Variants in KIZ observed in about 807,000 individuals in gnomAD.
The protein encoded by KIZ is kizuna centrosomal protein, also known as centrosomal protein kizuna.
A neutral mutation model predicts 79.6 loss-of-function variants in KIZ; 68 were observed. The ratio of observed to expected loss-of-function variants is 0.85; its 90% confidence interval spans 0.70 to 1.05. The LOEUF is 1.05. Among genes scored for constraint, KIZ ranks in the 50% least tolerant of loss-of-function variants. The pLI is 0.00. For synonymous variants in KIZ, 280 were observed against 281.8 expected, an observed-to-expected ratio of 0.99 and a Z score of 0.06; for missense variants, 797 against 800.4, an observed-to-expected ratio of 1.00 and a Z score of 0.05.
chr20:21,240,668 G>A (rs2037186843), intron 11 of KIZ, among the ~76,000 whole-genome samples: 1 of 152,128 alleles, frequency 6.6e-6, no homozygotes, highest in Admixed American at 6.5e-5. Flanking sequence ...TTACAACAAT[G>A]GTGGCCCTTG....
Position 21,232,743 on chromosome 20 carries a change from T to C in KIZ, c.1793T>C (p.Ile598Thr). Residue 598 changes from isoleucine (I) to threonine (T), a missense_variant, in exon 11 of 13, where the codon ATT becomes ACT. Physicochemically the swap from Ile to Thr is moderately conservative, Grantham distance 89. Coordinates refer to ENST00000619189, the MANE Select transcript of KIZ (RefSeq NM_018474.6). ...ASVSHLSGLN[I>T]GSGAFETKTA... ...TTTACGCTTATCACAGGTTTGAATA[T>C]TGGCAGCGGTGCATTCGAGACAAAG... The C allele has an allele frequency of 6.4e-7, 1 of 1,572,026 alleles. No homozygotes were observed. The highest frequency in any genetic ancestry group is 8.7e-7 in the Non-Finnish European group (1 of 1,149,132).
intron 4 of KIZ, 132 bp downstream of exon 4, chr20:21,145,786 G>C: frequency 2.3e-6 from 1 of 441,178 alleles, no homozygotes; most frequent in Non-Finnish European, 4.1e-6. Context: ...ATTATTTAAA[G>C]ATTTTTGCTT....
At chr20:21,179,851 C>G (rs986534709) in intron 6 of KIZ, among the ~76,000 whole-genome samples, 2 of 151,634 alleles carry the variant, frequency 1.3e-5, no homozygotes, top group African/African-American at 4.8e-5. Flanking sequence ...GTTTAATTTC[C>G]ACATGTTTGT....
chr20:21,215,311 T>C (rs1270016130), intron 8 of KIZ, among the ~76,000 whole-genome samples: 2 of 152,208 alleles, frequency 1.3e-5, no homozygotes, highest in Non-Finnish European at 2.9e-5. Flanking sequence ...GACTCACTTA[T>C]TTTATGTCCC....
At chr20:21,138,833 G>A (rs1004980404) in intron 3 of KIZ, 1 of 151,428 alleles carries the variant, frequency 6.6e-6, no homozygotes, top group Non-Finnish European at 1.5e-5. Context: ...TGGAGGTTAT[G>A]AAAAGTGGTG....
chr20:21,182,407 G>C (rs1330387170), intron 6 of KIZ, among the ~76,000 whole-genome samples: 1 of 152,158 alleles, frequency 6.6e-6, no homozygotes, highest in South Asian at 2.1e-4. Context: ...CTTGCATCTT[G>C]TTGACTAAAA....
At chr20:21,197,459 A>T (rs1274695316) in intron 6 of KIZ, 1 of 152,252 alleles carries the variant, frequency 6.6e-6, no homozygotes, top group Non-Finnish European at 1.5e-5. Context: ...AGTAAATTTC[A>T]TACGAGTTGT....
chr20:21,162,761 GTTT>G, intron 5 of KIZ, 86 bp from the exon 6 acceptor site: 2 of 1,082,444 alleles, frequency 1.8e-6, no homozygotes, highest in Non-Finnish European at 2.7e-6. Flanking sequence ...GCTTCTCCAT[GTTT>G]TTAACTGATG....
intron 11 of KIZ, among the ~76,000 whole-genome samples, chr20:21,239,795 A>G (rs908948283): frequency 3.3e-5 from 5 of 152,202 alleles, no homozygotes; most frequent in South Asian, 2.1e-4. Flanking sequence ...GATAAAACCT[A>G]TTCTGTTGAA....
chr20:21,231,865 TTAAA>T (rs2036844634), intron 10 of KIZ, among the ~76,000 whole-genome samples: 1 of 152,208 alleles, frequency 6.6e-6, no homozygotes, highest in Non-Finnish European at 1.5e-5. Flanking sequence ...GGAAAGCCAC[TTAAA>T]TAAACCTTGA....
At chr20:21,162,708 C>A in intron 5 of KIZ, 142 bp from the exon 6 acceptor site, 1 of 823,378 alleles carries the variant, frequency 1.2e-6, no homozygotes, top group Non-Finnish European at 1.9e-6. Context: ...CATTTGAAAA[C>A]GTGTTTAAGC....
intron 6 of KIZ, among the ~76,000 whole-genome samples, chr20:21,167,277 AGAAGTGTCTACCCATAATG>A (rs1208120647): frequency 6.6e-6 from 1 of 152,248 alleles, no homozygotes; most frequent in Admixed American, 6.5e-5. Flanking sequence ...TTGCATGGAT[AGAAGTGTCTACCCATAATG>A]ACTGGGAACA....
intron 4 of KIZ, among the ~76,000 whole-genome samples, chr20:21,156,263 A>G (rs2033376825): frequency 1.3e-5 from 2 of 152,200 alleles, no homozygotes; most frequent in South Asian, 4.1e-4. Flanking sequence ...GACTTGATTC[A>G]GATATTGCCA....
intron 11 of KIZ, among the ~76,000 whole-genome samples, chr20:21,234,115 A>C (rs2036920637): frequency 6.6e-6 from 1 of 152,196 alleles, no homozygotes; most frequent in South Asian, 2.1e-4. Flanking sequence ...ACTTCTTCCT[A>C]AACAGTCTTT....
Position 21,216,123 on chromosome 20 carries a change from C to T in KIZ, c.1678+475C>T, listed in dbSNP as rs563153860. Among the ~76,000 whole-genome samples the T allele has an allele frequency of 9.2e-5, 14 of 152,288 alleles. 1 individual carries two copies. In the South Asian group the frequency reaches 2.7e-3, roughly 29 times the overall value. On this transcript the variant is annotated intron_variant, in intron 9 of 12. Transcript: ENST00000619189. ...CTGATAATTTAAAAATTGTACCAAT[C>T]GGGCTTCATCAAGACCTATTAAGAT...
intron 7 of KIZ, 61 bp downstream of exon 7, chr20:21,205,645 A>C: frequency 1.5e-6 from 1 of 664,466 alleles, no homozygotes; most frequent in Non-Finnish European, 2.5e-6. Flanking sequence ...GGGTAAGGTT[A>C]GTAATTTTTA....
intron 6 of KIZ, among the ~76,000 whole-genome samples, chr20:21,183,065 G>A (rs745799276): frequency 6.6e-6 from 1 of 152,102 alleles, no homozygotes; most frequent in Non-Finnish European, 1.5e-5. Context: ...GAAGGGAGAT[G>A]GACACTGAGT....
chr20:21,189,546 A>G (rs117363166), intron 6 of KIZ, among the ~76,000 whole-genome samples: 1,579 of 152,312 alleles, frequency 0.01, 13 homozygotes, highest in Middle Eastern at 0.021. Context: ...AAACTTTTTT[A>G]AAAAGTCATA....
At chr20:21,245,634 G>A (rs1344873155) in intron 12 of KIZ, 2 of 152,236 alleles carry the variant, frequency 1.3e-5, no homozygotes, top group African/African-American at 2.4e-5. Context: ...ACCACCTGCA[G>A]GGCACCTCAG....
Sources: gnomAD v4.1 joint callset for allele counts (sites outside exome capture counted in the v4.1 genomes callset) on GRCh38, gnomAD v4.1.1 for gene constraint, MANE v1.5 for transcripts, NCBI Gene and HGNC (gene_info 2026-07-23, HGNC 2026-07-21) for gene names.